Variants in DLG2 observed in about 807,000 individuals in gnomAD.
DLG2 encodes disks large homolog 2.
A neutral mutation model predicts 132.5 loss-of-function variants in DLG2; 45 were observed. The ratio of observed to expected loss-of-function variants is 0.34; its 90% confidence interval spans 0.27 to 0.44. The LOEUF (loss-of-function observed/expected upper bound fraction) is 0.44. Ranked by LOEUF, DLG2 falls within the 20% of genes least tolerant of loss-of-function variation. The pLI, the probability that DLG2 is intolerant of heterozygous loss-of-function variation, is 1.00. For missense variants in DLG2, 1,045 were observed against 1,196.9 expected (o/e 0.87, Z 1.87); for synonymous variants, 424 against 419.6 (o/e 1.01, Z -0.13).
At chr11:85,037,692 A>G (rs932386919) in intron 6 of DLG2, among the ~76,000 whole-genome samples, 3 of 152,242 alleles carry the variant, frequency 2.0e-5, no homozygotes, top group African/African-American at 7.2e-5. Context: ...AAGTTCATCT[A>G]TTCCTTACAA....
In DLG2 at chr11:83,624,748, G is replaced by A. The variant is rs554881844; in HGVS notation, c.1940+8463C>T. On this transcript the variant is annotated intron_variant, in intron 19 of 27. Coordinates refer to ENST00000376104, the MANE Select transcript of DLG2 (RefSeq NM_001142699.3). ...TTTTAGCAAACAATAAGCTATGCAC[G>A]ACTATCATTATCCATAACGATAAGT... Among the ~76,000 whole-genome samples the A allele has an allele frequency of 3.2e-4, 49 of 152,260 alleles. 1 individual carries two copies. The highest frequency in any genetic ancestry group is 3.0e-3 in the Admixed American group (46 of 15,296).
At chr11:85,254,553 TATAAA>T (rs920582629) in intron 4 of DLG2, among the ~76,000 whole-genome samples, 2 of 152,146 alleles carry the variant, frequency 1.3e-5, no homozygotes, top group Non-Finnish European at 2.9e-5. Flanking sequence ...AAGAAAAAAT[TATAAA>T]AGAAAAATAG....
intron 6 of DLG2, among the ~76,000 whole-genome samples, chr11:84,694,549 A>C (rs951717640): frequency 4.6e-5 from 7 of 151,304 alleles, no homozygotes; most frequent in Admixed American, 2.6e-4. Flanking sequence ...TAGAGTGACA[A>C]CTCTAGCCTT....
At chr11:85,345,973 T>C (rs2082809986) in intron 3 of DLG2, among the ~76,000 whole-genome samples, 1 of 152,024 alleles carries the variant, frequency 6.6e-6, no homozygotes, top group African/African-American at 2.4e-5. Context: ...AGAGGGTTCT[T>C]GGATCTCGTA....
chr11:85,051,534 C>T (rs1307810433), intron 6 of DLG2, among the ~76,000 whole-genome samples: 1 of 152,072 alleles, frequency 6.6e-6, no homozygotes, highest in Admixed American at 6.6e-5. Context: ...ATAAACAAAA[C>T]AGACACAGTT....
chr11:85,536,930 T>C (rs1043928550), intron 3 of DLG2, among the ~76,000 whole-genome samples: 1 of 152,144 alleles, frequency 6.6e-6, no homozygotes, highest in Non-Finnish European at 1.5e-5. Context: ...CAGTGAGAGG[T>C]GAAGCTGATT....
intron 3 of DLG2, among the ~76,000 whole-genome samples, chr11:85,429,443 T>A (rs2091009623): frequency 6.6e-6 from 1 of 151,776 alleles, no homozygotes; most frequent in Non-Finnish European, 1.5e-5. Flanking sequence ...TGGGAGAAAA[T>A]TTTTGCTATC....
At chr11:84,844,131 G>A (rs1237473411) in intron 6 of DLG2, among the ~76,000 whole-genome samples, 153 of 26,304 alleles carry the variant, frequency 5.8e-3, no homozygotes, top group African/African-American at 0.015. Context: ...GTGTGTGTGT[G>A]TGTGTATATA....
intron 3 of DLG2, among the ~76,000 whole-genome samples, chr11:85,598,137 G>C (rs1025427531): frequency 2.6e-5 from 4 of 151,956 alleles, no homozygotes; most frequent in African/African-American, 9.7e-5. Flanking sequence ...CCAAAGCACT[G>C]AGATTTTCAT....
intron 4 of DLG2, among the ~76,000 whole-genome samples, chr11:85,251,745 A>G (rs1268089008): frequency 1.3e-5 from 2 of 152,212 alleles, no homozygotes; most frequent in Non-Finnish European, 2.9e-5. Flanking sequence ...AAAATCGAGG[A>G]AAATACTACA....
intron 6 of DLG2, among the ~76,000 whole-genome samples, chr11:84,796,133 A>G (rs375468664): frequency 2.6e-5 from 4 of 152,348 alleles, no homozygotes. Context: ...TACCCCAAGT[A>G]TCTCGTGACA....
At chr11:84,462,790 A>G (rs919719574) in intron 7 of DLG2, among the ~76,000 whole-genome samples, 6 of 151,126 alleles carry the variant, frequency 4.0e-5, no homozygotes, top group Non-Finnish European at 7.4e-5. Flanking sequence ...TCAGCTGAGC[A>G]AAACTATTAG....
chr11:84,494,099 T>C (rs1026449581), intron 7 of DLG2, among the ~76,000 whole-genome samples: 1 of 152,194 alleles, frequency 6.6e-6, no homozygotes, highest in Non-Finnish European at 1.5e-5. Flanking sequence ...CTGCCTCTTA[T>C]ATGTTTCAAT....
At chr11:85,454,081 A>G (rs2092340836) in intron 3 of DLG2, among the ~76,000 whole-genome samples, 1 of 151,646 alleles carries the variant, frequency 6.6e-6, no homozygotes, top group Admixed American at 6.6e-5. Context: ...ATGTTGCTGC[A>G]AAGGGAATGA....
intron 6 of DLG2, among the ~76,000 whole-genome samples, chr11:84,812,093 T>G (rs2076620429): frequency 6.6e-6 from 1 of 152,150 alleles, no homozygotes; most frequent in Non-Finnish European, 1.5e-5. Flanking sequence ...TTTCAGACAC[T>G]GAAGATAGAA....
chr11:85,443,918 A>T (rs1424480138), intron 3 of DLG2, among the ~76,000 whole-genome samples: 1 of 152,206 alleles, frequency 6.6e-6, no homozygotes, highest in African/African-American at 2.4e-5. Flanking sequence ...TATGTTTGTG[A>T]AATACAACAC....
chr11:83,658,551 C>T (rs180728593), intron 18 of DLG2, among the ~76,000 whole-genome samples: 30 of 152,258 alleles, frequency 2.0e-4, no homozygotes, highest in Non-Finnish European at 3.7e-4. Context: ...TTTTTATAAG[C>T]GAAATGATTT....
chr11:84,798,395 C>T (rs1377049789), intron 6 of DLG2, among the ~76,000 whole-genome samples: 1 of 152,166 alleles, frequency 6.6e-6, no homozygotes, highest in African/African-American at 2.4e-5. Context: ...ACACAAAGTC[C>T]TTCCCCCTCT....
chr11:84,274,292 G>A (rs531770933), intron 7 of DLG2, among the ~76,000 whole-genome samples: 7 of 152,264 alleles, frequency 4.6e-5, no homozygotes, highest in African/African-American at 1.4e-4. Flanking sequence ...GATGCTCAGA[G>A]CACTTGGAAG....
Sources: allele counts gnomAD v4.1 joint callset (sites outside exome capture counted in the v4.1 genomes callset), GRCh38; gene constraint gnomAD v4.1.1; transcripts MANE v1.5; gene names NCBI Gene and HGNC (gene_info 2026-07-23, HGNC 2026-07-21).